DYNC1LI2: variants seen among roughly 807,000 people sequenced by gnomAD.
DYNC1LI2 encodes the protein dynein cytoplasmic 1 light intermediate chain 2, also known as cytoplasmic dynein 1 light intermediate chain 2.
Under a neutral mutation model 57.8 loss-of-function variants are expected in DYNC1LI2, and 19 were observed. The ratio of observed to expected loss-of-function variants is 0.33; its 90% CI spans 0.23 to 0.48. The LOEUF (loss-of-function observed/expected upper bound fraction) is 0.48. DYNC1LI2 is among the 20% of genes least tolerant of loss of function. DYNC1LI2 has a pLI of 0.99. For missense variants in DYNC1LI2, 470 were observed against 604.2 expected (o/e 0.78, Z 2.33); for synonymous variants, 256 against 233.4 (o/e 1.10, Z -0.88).
Position 66,751,343 on chromosome 16 carries a change from G to A in DYNC1LI2, c.111C>T (p.Ser37=), listed in dbSNP as rs1228718437. The change falls in exon 2 of 13, where the codon TCC becomes TCT. Residue 37 remains serine, a synonymous_variant. Transcript: ENST00000258198. The surrounding 1 kb of genome is among the most constrained non-coding windows in gnomAD (Gnocchi z 5.2). The stretch of plus-strand genomic sequence containing the variant: ...GGGTGGACACTTCGCTCAGAATGGA[G>A]GACCTGTGGCGACAATGGCAAGAGT... ...SEEEEGQSLW[S]SILSEVSTRA... is the part of the protein sequence containing the mutation. 4.3e-6 allele frequency: 7 copies of A among 1,611,694 alleles called. No homozygotes were observed. The highest frequency in any genetic ancestry group is 1.1e-5 in the South Asian group (1 of 90,922).
chr16:66,727,608 C>T, intron 11 of DYNC1LI2, 80 bp downstream of exon 11: 1 of 1,412,232 alleles, frequency 7.1e-7, no homozygotes, highest in South Asian at 1.3e-5. Flanking sequence ...ACCTTATAGA[C>T]TCAGCCACCC....
At chr16:66,745,197 C>T (rs1454786293) in intron 3 of DYNC1LI2, among the ~76,000 whole-genome samples, 2 of 152,114 alleles carry the variant, frequency 1.3e-5, no homozygotes, top group African/African-American at 4.8e-5. Flanking sequence ...CCACCGTGCC[C>T]GGCAGAACTA....
At chr16:66,734,350 T>C in intron 5 of DYNC1LI2, 39 bp from the exon 6 acceptor site, 1 of 1,598,652 alleles carries the variant, frequency 6.3e-7, no homozygotes, top group Non-Finnish European at 8.6e-7. Context: ...TTTGCTTCAT[T>C]GCCTGCTGAC....
At chr16:66,731,198 C>T in intron 7 of DYNC1LI2, 1 of 152,390 alleles carries the variant, frequency 6.6e-6, no homozygotes, top group Non-Finnish European at 1.5e-5. Flanking sequence ...TCCAGACCAG[C>T]CCCAAATCCA....
At chr16:66,749,155 C>G in intron 3 of DYNC1LI2, 42 bp downstream of exon 3, 1 of 1,596,248 alleles carries the variant, frequency 6.3e-7, no homozygotes, top group Non-Finnish European at 8.6e-7. Context: ...CAGTCAGAGT[C>G]CTGCATACAC....
In DYNC1LI2 at chr16:66,729,032, C is replaced by T. The variant is rs2017586513; in HGVS notation, c.1101+8G>A. The T allele has an allele frequency of 6.2e-7, 1 of 1,614,160 alleles. No individual in the cohort carries two copies. Among genetic ancestry groups the T allele is most frequent in the Non-Finnish European group, 8.5e-7 (1 of 1,180,016 alleles). On this transcript the variant is annotated splice_region_variant and intron_variant, in intron 9 of 12. Transcript: ENST00000258198. ...AGGCCTCTGTTCTAACCTCACTGGT[C>T]TTCTTACCTGTTGCTTCATTAGGAA...
At chr16:66,723,853 T>C in intron 12 of DYNC1LI2, 31 bp from the exon 13 acceptor site, 1 of 1,557,144 alleles carries the variant, frequency 6.4e-7, no homozygotes, top group Non-Finnish European at 8.6e-7. Context: ...AAAAGCAAAG[T>C]AATGATGTGA....
intron 3 of DYNC1LI2, among the ~76,000 whole-genome samples, chr16:66,744,065 T>C (rs1267889095): frequency 2.0e-5 from 3 of 152,136 alleles, no homozygotes; most frequent in African/African-American, 7.2e-5. Context: ...GAACTGGTTA[T>C]GTATGTTTGT....
chr16:66,728,061 G>T, intron 10 of DYNC1LI2, 140 bp downstream of exon 10: 3 of 1,178,792 alleles, frequency 2.5e-6, no homozygotes, highest in Non-Finnish European at 3.6e-6. Flanking sequence ...TATGTTTCTG[G>T]TCATGGGTCT....
At chr16:66,729,534 C>A (rs893596760) in intron 8 of DYNC1LI2, among the ~76,000 whole-genome samples, 1 of 151,974 alleles carries the variant, frequency 6.6e-6, no homozygotes, top group African/African-American at 2.4e-5. Flanking sequence ...CACTACCCCC[C>A]ACAAACTATA....
At chr16:66,734,694 T>C (rs1156255189) in intron 5 of DYNC1LI2, among the ~76,000 whole-genome samples, 1 of 151,866 alleles carries the variant, frequency 6.6e-6, no homozygotes, top group African/African-American at 2.4e-5. Context: ...GGAAATAAAG[T>C]ACTTTTAAAA....
intron 3 of DYNC1LI2, among the ~76,000 whole-genome samples, chr16:66,746,052 G>T (rs2017930845): frequency 6.6e-6 from 1 of 152,036 alleles, no homozygotes; most frequent in African/African-American, 2.4e-5. Context: ...ATGGCTTTGT[G>T]TCAACAGTAT....
In DYNC1LI2 at chr16:66,749,321, G is replaced by A. The variant is rs752823566; in HGVS notation, c.182-8C>T. 6.2e-7 allele frequency: 1 copy of A among 1,613,602 alleles called. No individual in the cohort carries two copies. The highest frequency in any genetic ancestry group is 1.3e-5 in the African/African-American group (1 of 74,928). On this transcript the variant is annotated splice_polypyrimidine_tract_variant and splice_region_variant and intron_variant, in intron 2 of 12. Coordinates refer to ENST00000258198, the MANE Select transcript of DYNC1LI2 (RefSeq NM_006141.3). Reference sequence around the variant, plus strand: ...TACCAGAACCATCTTCACCTACAAAGGATGTTTGCAAGACAAAGGTGTACT... The same window carrying A: ...TACCAGAACCATCTTCACCTACAAAAGATGTTTGCAAGACAAAGGTGTACT...
chr16:66,727,591 A>G (rs1256537642), intron 11 of DYNC1LI2, 97 bp downstream of exon 11: 2 of 1,132,692 alleles, frequency 1.8e-6, no homozygotes, highest in Non-Finnish European at 1.3e-6. Flanking sequence ...GGCTTCCATG[A>G]GTCTCCACCT....
At chr16:66,741,266 C>T (rs2017830840) in intron 4 of DYNC1LI2, among the ~76,000 whole-genome samples, 1 of 152,200 alleles carries the variant, frequency 6.6e-6, no homozygotes, top group South Asian at 2.1e-4. Flanking sequence ...AGCAGGTCTT[C>T]AGACTCAGAA....
rs1567447365 is a variant in DYNC1LI2 at position 66,725,962 on chromosome 16, G to A, written c.1262-18C>T. 15 of 1,596,504 alleles carry A rather than the reference G, an allele frequency of 9.4e-6. No individual in the cohort carries two copies. The highest frequency in any genetic ancestry group is 1.7e-4 in the Middle Eastern group (1 of 5,942). ...TGCATTATCTAAGGAAAATTAAAGAGAAAAAAAAGCATCATATAAACTGGA... is the reference window on the plus strand; with the variant it reads ...TGCATTATCTAAGGAAAATTAAAGAAAAAAAAAAGCATCATATAAACTGGA... On this transcript the variant is annotated intron_variant, in intron 11 of 12. Transcript: ENST00000258198.
chr16:66,738,648 G>A (rs1003679993), intron 4 of DYNC1LI2, among the ~76,000 whole-genome samples: 29 of 151,886 alleles, frequency 1.9e-4, no homozygotes, highest in Non-Finnish European at 3.2e-4. Context: ...AGGCCAAGGC[G>A]GGTGGATCAT....
At chr16:66,736,019 G>A in intron 5 of DYNC1LI2, 56 bp downstream of exon 5, 1 of 1,574,400 alleles carries the variant, frequency 6.4e-7, no homozygotes, top group East Asian at 2.3e-5. Flanking sequence ...CAAACTTTCA[G>A]ATGGTGACTG....
At chr16:66,745,807 G>T (rs2017925255) in intron 3 of DYNC1LI2, among the ~76,000 whole-genome samples, 1 of 151,882 alleles carries the variant, frequency 6.6e-6, no homozygotes, top group Non-Finnish European at 1.5e-5. Flanking sequence ...GGGAGACTGA[G>T]GAGGGAGGAC....
Sources: allele counts gnomAD v4.1 joint callset (sites outside exome capture counted in the v4.1 genomes callset), GRCh38; gene constraint gnomAD v4.1.1; non-coding constraint Gnocchi (gnomAD v3.1); transcripts MANE v1.5; gene names NCBI Gene and HGNC (gene_info 2026-07-23, HGNC 2026-07-21).